NBPF9: variants seen among roughly 807,000 people sequenced by gnomAD.
The protein encoded by NBPF9 is NBPF family member NBPF9.
A neutral mutation model predicts 97.8 loss-of-function variants in NBPF9; 91 were observed. That is an observed-to-expected ratio of 0.93 (90% confidence interval 0.79 to 1.11). The LOEUF (loss-of-function observed/expected upper bound fraction) is 1.11. Ranked by LOEUF, NBPF9 falls within the 50% of genes least tolerant of loss-of-function variation. The pLI is 0.00. For missense variants in NBPF9, 992 were observed against 939.5 expected, an observed-to-expected ratio of 1.06 and a Z score of -0.73; for synonymous variants, 334 against 359.5, an observed-to-expected ratio of 0.93 and a Z score of 0.80.
chr1:149,061,415 T>C (rs1297166704), intron 22 of NBPF9, 32 bp from the exon 23 acceptor site: 2 of 387,956 alleles, frequency 5.2e-6, no homozygotes, highest in African/African-American at 3.0e-5. Flanking sequence ...ACAGACAAAA[T>C]AAGCCAATTC....
chr1:149,100,813 T>C (rs1324813825), intron 3 of NBPF9, among the ~76,000 whole-genome samples: 6 of 151,622 alleles, frequency 4.0e-5, no homozygotes, highest in African/African-American at 1.2e-4. Context: ...CACACTCCTA[T>C]AGTCGCAGCT....
chr1:149,098,067 AGAG>A (rs1374245326), intron 4 of NBPF9, among the ~76,000 whole-genome samples: 2 of 151,460 alleles, frequency 1.3e-5, no homozygotes, highest in Non-Finnish European at 2.9e-5. Context: ...TGAAAGCTGA[AGAG>A]GAGAAAGCAG....
At chr1:149,074,355 T>C (rs1402985317) in intron 12 of NBPF9, among the ~76,000 whole-genome samples, 1 of 151,616 alleles carries the variant, frequency 6.6e-6, no homozygotes, top group Admixed American at 6.6e-5. Context: ...ATATCTTCAG[T>C]TATGATTTTA....
intron 17 of NBPF9, among the ~76,000 whole-genome samples, chr1:149,068,242 C>T (rs2079155821): frequency 1.3e-5 from 2 of 149,268 alleles, no homozygotes; most frequent in South Asian, 4.3e-4. Context: ...AACCAGCTAA[C>T]ATCATAACGA....
At chr1:149,062,505 C>T (rs1306252307) in intron 21 of NBPF9, among the ~76,000 whole-genome samples, 25 of 143,850 alleles carry the variant, frequency 1.7e-4, no homozygotes, top group Admixed American at 4.3e-4. Flanking sequence ...GCGAATTGGC[C>T]GGGTGACACA....
At chr1:149,081,321 T>G (rs878977470) in intron 7 of NBPF9, among the ~76,000 whole-genome samples, 2 of 152,010 alleles carry the variant, frequency 1.3e-5, no homozygotes, top group African/African-American at 4.8e-5. Context: ...GGTTTCTCCA[T>G]GTTGCCCAGG....
intron 5 of NBPF9, among the ~76,000 whole-genome samples, chr1:149,088,649 C>CT (rs2081202469): frequency 1.3e-5 from 2 of 151,294 alleles, no homozygotes; most frequent in Admixed American, 6.6e-5. Context: ...TTGCCAAATG[C>CT]TTTTACTGTG....
At chr1:149,097,752 G>A (rs1400169351) in intron 4 of NBPF9, among the ~76,000 whole-genome samples, 1 of 152,044 alleles carries the variant, frequency 6.6e-6, no homozygotes, top group Non-Finnish European at 1.5e-5. Flanking sequence ...CCCAGAGCAG[G>A]GCATGGTACC....
rs1419556141 is a variant in NBPF9, at chr1:149,077,072, T to C, written c.778+136A>G. On this transcript the variant is annotated intron_variant, in intron 11 of 29. Transcript: ENST00000584027. ...GGCCTTCCAAAGTGCTGTGATTATA[T>C]GTGTGAGTCACAGCACCTAGCTCCA... The C allele has an allele frequency of 9.5e-6, 6 of 632,696 alleles. 1 individual carries two copies. In the Admixed American group the frequency reaches 1.6e-4, roughly 17 times the overall value. 39.2% of individuals were successfully genotyped at this position (632,696 alleles called of 1,614,324 possible).
At chr1:149,088,531 G>T (rs2081193040) in intron 5 of NBPF9, among the ~76,000 whole-genome samples, 1 of 152,066 alleles carries the variant, frequency 6.6e-6, no homozygotes. Context: ...TTACCTGTGG[G>T]TTCTTCAAAT....
chr1:149,055,572 A>G (rs1377435155), exon 30 of NBPF9: 1 of 1,558,284 alleles, frequency 6.4e-7, no homozygotes. Context: ...GGGCTTCCAA[A>G]TGGAACTGTA....
chr1:149,084,687 C>T (rs2080845335), intron 5 of NBPF9, among the ~76,000 whole-genome samples: 1 of 151,644 alleles, frequency 6.6e-6, no homozygotes, highest in African/African-American at 2.4e-5. Context: ...CACCTTCCAT[C>T]TGGGCCGCCG....
Position 149,077,429 on chromosome 1 carries a change from C to T in NBPF9, c.567-10G>A. 1.2e-6 allele frequency: 2 copies of T among 1,608,390 alleles called. No individual in the cohort carries two copies. Among genetic ancestry groups the T allele is most frequent in the Non-Finnish European group, 1.7e-6 (2 of 1,176,576 alleles). On this transcript the variant is annotated splice_polypyrimidine_tract_variant and intron_variant, in intron 10 of 29. Transcript: ENST00000584027. ...AGCCTTCTGCACCTCCCTGATGAGC[C>T]AGGTGGGACAGAGATGACAGAAGAT...
At chr1:149,071,208 A>G in intron 15 of NBPF9, 69 bp from the exon 16 acceptor site, 1 of 1,117,102 alleles carries the variant, frequency 9.0e-7, no homozygotes, top group Non-Finnish European at 1.3e-6. Context: ...AGGGAGTCCT[A>G]GCTGGTTTTG....
At chr1:149,063,866 G>T (rs1553650873) in intron 19 of NBPF9, 61 bp from the exon 20 acceptor site, 1 of 680,778 alleles carries the variant, frequency 1.5e-6, no homozygotes, top group East Asian at 2.7e-5. Flanking sequence ...CACAGCCCCA[G>T]CTAGATTTCA....
chr1:149,081,603 T>C (rs1164538599), intron 7 of NBPF9, among the ~76,000 whole-genome samples: 11 of 151,880 alleles, frequency 7.2e-5, no homozygotes, highest in African/African-American at 2.4e-4. Context: ...TCACTAGTCC[T>C]AGACATTTAG....
intron 17 of NBPF9, chr1:149,065,936 A>T: frequency 1.6e-6 from 1 of 606,134 alleles, no homozygotes; most frequent in Non-Finnish European, 2.9e-6. Flanking sequence ...CAGGGCACCC[A>T]GACTCTCCCT....
At chr1:149,076,581 C>A (rs1209402146) in intron 11 of NBPF9, among the ~76,000 whole-genome samples, 1 of 150,068 alleles carries the variant, frequency 6.7e-6, no homozygotes, top group Non-Finnish European at 1.5e-5. Flanking sequence ...CGGCTCACTG[C>A]AAGCTCCGGT....
intron 17 of NBPF9, among the ~76,000 whole-genome samples, chr1:149,069,180 A>G (rs2079214167): frequency 6.6e-6 from 1 of 150,588 alleles, no homozygotes; most frequent in Non-Finnish European, 1.5e-5. Context: ...GAAAAGATCT[A>G]AAATTGACAC....
Sources: gnomAD v4.1 joint callset for allele counts (sites outside exome capture counted in the v4.1 genomes callset) on GRCh38, gnomAD v4.1.1 for gene constraint, MANE v1.5 for transcripts, NCBI Gene and HGNC (gene_info 2026-07-23, HGNC 2026-07-21) for gene names.